The following TUBGCP6 variants were observed in gnomAD, a reference collection of about 807,000 sequenced individuals.
TUBGCP6 encodes the protein tubulin gamma complex component 6.
A neutral mutation model predicts 175.8 loss-of-function variants in TUBGCP6; 161 were observed. The ratio of observed to expected loss-of-function variants is 0.92; its 90% CI spans 0.81 to 1.04. TUBGCP6 has a LOEUF of 1.04. Among genes scored for constraint, TUBGCP6 ranks in the 50% least tolerant of loss-of-function variants. The pLI, the probability that TUBGCP6 is intolerant of heterozygous loss-of-function variation, is 0.00. For synonymous variants in TUBGCP6, 1,173 were observed against 1,030.5 expected (o/e 1.14, Z -2.65); for missense variants, 2,572 against 2,433.0 (o/e 1.06, Z -1.20).
chr22:50,240,813 AC>A (rs2064829736), intron 1 of TUBGCP6, among the ~76,000 whole-genome samples: 1 of 152,098 alleles, frequency 6.6e-6, no homozygotes, highest in Non-Finnish European at 1.5e-5. Context: ...AGCATGTGAA[AC>A]CCCGTCTCTA....
Position 50,243,929 on chromosome 22 carries a change from TTCCTGGA to T in TUBGCP6, c.524_530del (p.Ile175LysfsTer90). 6.2e-7 allele frequency: 1 copy of T among 1,614,078 alleles called. No individual in the cohort carries two copies. The highest frequency in any genetic ancestry group is 8.5e-7 in the Non-Finnish European group (1 of 1,180,042). ...GAGCAGCCTCCATAACCTGAAGTGTTTCCTGGATCATGCTGTGACACAAACACTCTTC... is the reference window on the plus strand; with the variant it reads ...GAGCAGCCTCCATAACCTGAAGTGTTTCATGCTGTGACACAAACACTCTTC... On this transcript the variant is annotated frameshift_variant, in exon 1 of 25. Transcript: ENST00000248846. LOFTEE classifies it high-confidence loss of function.
Position 50,233,415 on chromosome 22 carries a change from T to C in TUBGCP6, c.1017A>G (p.Leu339=). 6.2e-7 allele frequency: 1 copy of C among 1,613,874 alleles called. No homozygotes were observed. Among genetic ancestry groups the C allele is most frequent in the Non-Finnish European group, 8.5e-7 (1 of 1,179,910 alleles). Residue 339 remains leucine, a synonymous_variant, in exon 3 of 25, where the codon CTA becomes CTG. Coordinates refer to ENST00000248846, the MANE Select transcript of TUBGCP6 (RefSeq NM_020461.4). ...GELQLLAGGV[L]QAPQPVLVKE... is the part of the protein sequence containing the mutation. ...TCACCAGCACGGGCTGCGGGGCCTG[T>C]AGGACGCCCCCAGCAAGCAGCTGGA...
In TUBGCP6 at chr22:50,224,129, G is replaced by T. The variant is rs187563075; in HGVS notation, c.2270+12C>A. ...CACTGCACCCCTGGGCCTGGAGCCC[G>T]GGCTGCCCTACCTCGCCTTCCTCTC... On this transcript the variant is annotated intron_variant, in intron 13 of 24. Coordinates refer to ENST00000248846, the MANE Select transcript of TUBGCP6 (RefSeq NM_020461.4). 1.6e-5 allele frequency: 26 copies of T among 1,611,132 alleles called. No homozygotes were observed. Among genetic ancestry groups the T allele is most frequent in the Admixed American group, 3.3e-5 (2 of 59,998 alleles).
At chr22:50,226,601 C>A in intron 7 of TUBGCP6, 132 bp downstream of exon 7, 2 of 866,012 alleles carry the variant, frequency 2.3e-6, no homozygotes, top group South Asian at 1.6e-5. Flanking sequence ...GGGGCTCCTG[C>A]CCAGTCCACC....
At chr22:50,241,727 G>A (rs1444476261) in intron 1 of TUBGCP6, among the ~76,000 whole-genome samples, 1 of 152,282 alleles carries the variant, frequency 6.6e-6, no homozygotes, top group East Asian at 1.9e-4. Flanking sequence ...CGTGACCCAC[G>A]TGACCTTACC....
Position 50,220,293 on chromosome 22 carries a change from A to T in TUBGCP6, c.4066T>A (p.Trp1356Arg). ...CTGTCTCCCGGGGTGTTGGGCCACCATGGTTGGGTGGGAGCCACGTCTGAC... is the reference window on the plus strand; with the variant it reads ...CTGTCTCCCGGGGTGTTGGGCCACCTTGGTTGGGTGGGAGCCACGTCTGAC... ...NVSDVAPTQPWWPNTPGDSVS... is the reference protein window; with the variant it reads ...NVSDVAPTQPRWPNTPGDSVS... Residue 1356 changes from tryptophan to arginine, a missense_variant, in exon 16 of 25, where the codon TGG (tryptophan) becomes AGG (arginine). Coordinates refer to ENST00000248846, the MANE Select transcript of TUBGCP6 (RefSeq NM_020461.4). 3.8e-6 allele frequency: 6 copies of T among 1,575,020 alleles called. No individual in the cohort carries two copies. Among genetic ancestry groups the T allele is most frequent in the Non-Finnish European group, 5.2e-6 (6 of 1,156,372 alleles).
At chr22:50,226,885 G>T (rs745674972) in intron 6 of TUBGCP6, 43 bp from the exon 7 acceptor site, 11 of 1,558,308 alleles carry the variant, frequency 7.1e-6, no homozygotes, top group Non-Finnish European at 8.7e-6. Flanking sequence ...AGCGCACCCA[G>T]CGCTGGGAGT....
intron 2 of TUBGCP6, among the ~76,000 whole-genome samples, chr22:50,234,770 C>CGTCCACAGCAGCATCCACATCCAG (rs1013916221): frequency 7.0e-6 from 1 of 142,912 alleles, no homozygotes; most frequent in Non-Finnish European, 1.5e-5. Context: ...CCCACACCCC[C>CGTCCACAGCAGCATCCACATCCAG]GTCCACAGCA....
Position 50,220,034 on chromosome 22 carries a change from A to G in TUBGCP6, c.4109-19T>C. On this transcript the variant is annotated intron_variant, in intron 16 of 24. Transcript: ENST00000248846. ...CCAGGGCCTGTGTGGACACAAGTGG[A>G]CACGAGGGCATCAGGGCCGAGTGCC... 6.2e-7 allele frequency: 1 copy of G among 1,612,434 alleles called. No individual in the cohort carries two copies. The highest frequency in any genetic ancestry group is 1.7e-4 in the Middle Eastern group (1 of 6,052).
chr22:50,232,904 C>T (rs75247270), intron 3 of TUBGCP6, among the ~76,000 whole-genome samples: 4,459 of 152,310 alleles, frequency 0.029, 81 homozygotes, highest in Middle Eastern at 0.058. Flanking sequence ...CAGTAAGGCC[C>T]GGCCCCATCC....
At chr22:50,239,989 G>A (rs754264248) in intron 2 of TUBGCP6, among the ~76,000 whole-genome samples, 15 of 152,026 alleles carry the variant, frequency 9.9e-5, no homozygotes, top group Non-Finnish European at 1.9e-4. Flanking sequence ...GTTACTGGAT[G>A]GGGAGGTGAG....
At chr22:50,236,111 TAA>T (rs897928172) in intron 2 of TUBGCP6, among the ~76,000 whole-genome samples, 3 of 138,934 alleles carry the variant, frequency 2.2e-5, no homozygotes, top group Non-Finnish European at 4.4e-5. Flanking sequence ...AGAAAAACCG[TAA>T]GAGATGGATA....
intron 16 of TUBGCP6, 49 bp downstream of exon 16, chr22:50,220,202 C>G (rs1319446715): frequency 1.9e-6 from 3 of 1,547,658 alleles, no homozygotes; most frequent in Non-Finnish European, 2.6e-6. Context: ...CTCCCAGGCT[C>G]TGTGCGTCCC....
intron 7 of TUBGCP6, 62 bp downstream of exon 7, chr22:50,226,671 G>T (rs375763221): frequency 2.2e-6 from 3 of 1,368,764 alleles, no homozygotes; most frequent in Non-Finnish European, 2.0e-6. Context: ...ACAAGGGACC[G>T]CTCTCAAGTG....
intron 7 of TUBGCP6, 70 bp downstream of exon 7, chr22:50,226,663 A>C (rs1407674020): frequency 7.6e-7 from 1 of 1,323,714 alleles, no homozygotes. Context: ...GGTGTCTGAC[A>C]AGGGACCGCT....
chr22:50,225,324 C>A (rs1313802395), intron 10 of TUBGCP6, among the ~76,000 whole-genome samples: 1 of 152,100 alleles, frequency 6.6e-6, no homozygotes, highest in Non-Finnish European at 1.5e-5. Context: ...TACCACCGAG[C>A]CCCTCCCAGA....
At chr22:50,222,334 G>A (rs374293786) in intron 14 of TUBGCP6, 120 bp downstream of exon 14, 11 of 1,456,114 alleles carry the variant, frequency 7.6e-6, no homozygotes, top group Admixed American at 5.6e-5. Context: ...GTGCTCTGCC[G>A]CAAACGCGAA....
At chr22:50,221,968 C>G (rs2064532476) in intron 15 of TUBGCP6, 60 bp downstream of exon 15, 31 of 1,603,952 alleles carry the variant, frequency 1.9e-5, no homozygotes, top group Non-Finnish European at 2.6e-5. Context: ...ATGACCAACA[C>G]CAGGTGCCGA....
intron 1 of TUBGCP6, among the ~76,000 whole-genome samples, chr22:50,240,918 A>G (rs2064831053): frequency 6.6e-6 from 1 of 152,146 alleles, no homozygotes; most frequent in Non-Finnish European, 1.5e-5. Context: ...GAACCCGGGA[A>G]GCGGAGGTTG....
Sources: allele counts gnomAD v4.1 joint callset (sites outside exome capture counted in the v4.1 genomes callset), GRCh38; gene constraint gnomAD v4.1.1; transcripts MANE v1.5; gene names NCBI Gene and HGNC (gene_info 2026-07-23, HGNC 2026-07-21).